IQGAP1: variants seen among roughly 807,000 people sequenced by gnomAD.
IQGAP1 encodes the protein IQ motif containing GTPase activating protein 1, also known as ras GTPase-activating-like protein IQGAP1.
Under a neutral mutation model 215.6 loss-of-function variants are expected in IQGAP1, and 66 were observed. That is an observed-to-expected ratio of 0.31 (90% CI 0.25 to 0.38). The LOEUF (loss-of-function observed/expected upper bound fraction) is 0.38. IQGAP1 is among the 10% of genes least tolerant of loss of function. The pLI is 1.00. For missense variants in IQGAP1, 1,712 were observed against 1,997.1 expected (o/e 0.86, Z 2.72); for synonymous variants, 772 against 728.7 (o/e 1.06, Z -0.96).
intron 31 of IQGAP1, 170 bp from the exon 32 acceptor site, chr15:90,486,784 A>T: frequency 1.5e-6 from 1 of 650,278 alleles, no homozygotes; most frequent in East Asian, 2.6e-5. Flanking sequence ...CCTTGCCTTT[A>T]TCATTTGGCA....
At chr15:90,467,146 A>AT (rs1299982758) in intron 17 of IQGAP1, among the ~76,000 whole-genome samples, 5 of 152,204 alleles carry the variant, frequency 3.3e-5, no homozygotes, top group Admixed American at 6.5e-5. Flanking sequence ...ATGGTTGCAC[A>AT]TTTTTTAAGA....
At chr15:90,394,150 A>G (rs1267673537) in intron 2 of IQGAP1, among the ~76,000 whole-genome samples, 2 of 142,780 alleles carry the variant, frequency 1.4e-5, no homozygotes, top group African/African-American at 5.0e-5. Flanking sequence ...AAAAAAAAAA[A>G]AAAAAAAGGC....
chr15:90,410,781 C>T (rs573173952), intron 2 of IQGAP1, among the ~76,000 whole-genome samples: 16 of 149,040 alleles, frequency 1.1e-4, no homozygotes, highest in African/African-American at 3.0e-4. Flanking sequence ...CAACATGGCA[C>T]GTGTATACAT....
chr15:90,500,036 A>C lies in IQGAP1; in HGVS notation c.4902A>C (p.Lys1634Asn). The change falls in exon 38 of 38, where the codon AAA (lysine) becomes AAC (asparagine). Residue 1634 changes from lysine to asparagine, a missense_variant. Coordinates refer to ENST00000268182, the MANE Select transcript of IQGAP1 (RefSeq NM_003870.4). ...AGTATGAAGGAGTTGCAGTCATGAA[A>C]TTATTTGATAGAGCTAAAGTAAATG... is the stretch of plus-strand genomic sequence containing the variant. ...QLQYEGVAVM[K>N]LFDRAKVNVN... 6.2e-7 allele frequency: 1 copy of C among 1,612,940 alleles called. No homozygotes were observed.
chr15:90,422,640 G>GTATATATA (rs1301336267), intron 2 of IQGAP1, among the ~76,000 whole-genome samples: 2 of 61,556 alleles, frequency 3.2e-5, no homozygotes, highest in Non-Finnish European at 5.9e-5. Context: ...ATATATATAT[G>GTATATATA]TATATGTATA....
At chr15:90,406,403 G>C (rs533240615) in intron 2 of IQGAP1, among the ~76,000 whole-genome samples, 93 of 152,336 alleles carry the variant, frequency 6.1e-4, no homozygotes, top group Non-Finnish European at 1.2e-3. Flanking sequence ...CTGACCTGGT[G>C]ATCCACCCGC....
At chr15:90,470,061 G>GTT (rs1346253073) in intron 18 of IQGAP1, among the ~76,000 whole-genome samples, 2 of 152,178 alleles carry the variant, frequency 1.3e-5, no homozygotes, top group African/African-American at 4.8e-5. Flanking sequence ...AAACACTCAT[G>GTT]TTTGAATAGT....
intron 13 of IQGAP1, among the ~76,000 whole-genome samples, chr15:90,453,809 A>G (rs982787504): frequency 1.3e-5 from 2 of 152,102 alleles, no homozygotes; most frequent in Non-Finnish European, 1.5e-5. Context: ...TGGAAATTAA[A>G]TTTCTAGGCT....
At chr15:90,445,481 C>T (rs1360374648) in intron 9 of IQGAP1, among the ~76,000 whole-genome samples, 1 of 152,192 alleles carries the variant, frequency 6.6e-6, no homozygotes, top group African/African-American at 2.4e-5. Flanking sequence ...TACACAGGCT[C>T]ATCCCTATAA....
intron 23 of IQGAP1, chr15:90,475,822 AAAG>A (rs1965972223): frequency 6.6e-6 from 1 of 152,060 alleles, no homozygotes; most frequent in Non-Finnish European, 1.5e-5. Flanking sequence ...TTGATAGAGA[AAAG>A]AAGATAAATG....
At chr15:90,491,001 C>T (rs748443398) in intron 33 of IQGAP1, among the ~76,000 whole-genome samples, 1 of 152,096 alleles carries the variant, frequency 6.6e-6, no homozygotes, top group Admixed American at 6.5e-5. Flanking sequence ...TTAGTAGAGA[C>T]GGTTTCACCG....
Position 90,500,191 on chromosome 15 carries a change from A to C in IQGAP1, c.*83A>C. On this transcript the variant is annotated 3_prime_UTR_variant, in exon 38 of 38. Coordinates refer to ENST00000268182, the MANE Select transcript of IQGAP1 (RefSeq NM_003870.4). ...TCTAGGTCCTTCTTTCCTCATTGGA[A>C]GCAAAGACCTAGCCAACAACAGCAC... is the stretch of plus-strand genomic sequence containing the variant. The C allele has an allele frequency of 1.3e-6, 1 of 761,230 alleles. No individual in the cohort carries two copies. The highest frequency in any genetic ancestry group is 2.6e-5 in the East Asian group (1 of 38,000). 47.2% of individuals were successfully genotyped at this position (761,230 alleles called of 1,614,324 possible).
At chr15:90,465,907 T>C in intron 15 of IQGAP1, 94 bp from the exon 16 acceptor site, 1 of 931,056 alleles carries the variant, frequency 1.1e-6, no homozygotes, top group Non-Finnish European at 1.8e-6. Flanking sequence ...TGTTCTTCCA[T>C]ATTTAATTGA....
At chr15:90,405,964 G>A (rs16944355) in intron 2 of IQGAP1, among the ~76,000 whole-genome samples, 28,874 of 151,912 alleles carry the variant, frequency 0.19, 3,705 homozygotes, top group African/African-American at 0.36. Flanking sequence ...TCCTGTTCTT[G>A]GCTTATAGAG....
At chr15:90,430,905 C>A (rs1965292676) in intron 4 of IQGAP1, among the ~76,000 whole-genome samples, 1 of 147,358 alleles carries the variant, frequency 6.8e-6, no homozygotes. Context: ...ATATTGTATA[C>A]AAATATGTAT....
chr15:90,415,492 C>G (rs1965032081), intron 2 of IQGAP1, among the ~76,000 whole-genome samples: 1 of 151,968 alleles, frequency 6.6e-6, no homozygotes, highest in Non-Finnish European at 1.5e-5. Context: ...AAACTTCTTT[C>G]TCATTTTAAG....
chr15:90,488,481 A>G (rs902766529), intron 33 of IQGAP1, among the ~76,000 whole-genome samples: 2 of 152,018 alleles, frequency 1.3e-5, no homozygotes, highest in African/African-American at 4.8e-5. Context: ...ATTGAATATT[A>G]TATATTTTGA....
chr15:90,418,172 G>A (rs942272225), intron 2 of IQGAP1, among the ~76,000 whole-genome samples: 1 of 151,932 alleles, frequency 6.6e-6, no homozygotes, highest in Non-Finnish European at 1.5e-5. Flanking sequence ...TAGTCAGTTC[G>A]AAATGTTTCC....
intron 2 of IQGAP1, among the ~76,000 whole-genome samples, chr15:90,406,966 A>G (rs1361430506): frequency 2.0e-5 from 3 of 152,228 alleles, no homozygotes; most frequent in Non-Finnish European, 4.4e-5. Flanking sequence ...AGATGGTTCC[A>G]CTGTCCTCTG....
Sources: gnomAD v4.1 joint callset for allele counts (sites outside exome capture counted in the v4.1 genomes callset) on GRCh38, gnomAD v4.1.1 for gene constraint, MANE v1.5 for transcripts, NCBI Gene and HGNC (gene_info 2026-07-23, HGNC 2026-07-21) for gene names.